Variants in MAGI1 observed in about 807,000 individuals in gnomAD.
MAGI1 encodes membrane associated guanylate kinase, WW and PDZ domain containing 1.
Under a neutral mutation model 139.9 loss-of-function variants are expected in MAGI1, and 58 were observed. The observed-to-expected ratio is 0.41, with a 90% CI of 0.34 to 0.52. MAGI1 has a LOEUF of 0.52. Ranked by LOEUF, MAGI1 falls within the 20% of genes least tolerant of loss-of-function variation. The pLI, the probability that MAGI1 is intolerant of heterozygous loss-of-function variation, is 0.12. For missense variants in MAGI1, 1,874 were observed against 1,901.6 expected (o/e 0.99, Z 0.27); for synonymous variants, 812 against 737.9 (o/e 1.10, Z -1.63).
At chr3:65,992,907 C>A (rs1322328104) in intron 1 of MAGI1, among the ~76,000 whole-genome samples, 1 of 152,098 alleles carries the variant, frequency 6.6e-6, no homozygotes, top group Non-Finnish European at 1.5e-5. Flanking sequence ...CTCACTGCAG[C>A]CTCAATCTCC....
chr3:65,842,927 C>G (rs1433325380), intron 1 of MAGI1, among the ~76,000 whole-genome samples: 1 of 152,086 alleles, frequency 6.6e-6, no homozygotes, highest in Non-Finnish European at 1.5e-5. Context: ...ACACTTTTCC[C>G]TGTCTCCTCA....
At chr3:65,926,450 A>G (rs1183965053) in intron 1 of MAGI1, among the ~76,000 whole-genome samples, 1 of 151,868 alleles carries the variant, frequency 6.6e-6, no homozygotes, top group Non-Finnish European at 1.5e-5. Flanking sequence ...TAGATAAAAT[A>G]AGACTAAGAC....
At chr3:65,719,572 G>A (rs1446578335) in intron 1 of MAGI1, among the ~76,000 whole-genome samples, 5 of 149,324 alleles carry the variant, frequency 3.3e-5, no homozygotes, top group Admixed American at 2.0e-4. Context: ...TTGAAACAGG[G>A]TCTCACTCTG....
At chr3:65,441,844 T>G (rs1575759372) in intron 8 of MAGI1, among the ~76,000 whole-genome samples, 1 of 152,234 alleles carries the variant, frequency 6.6e-6, no homozygotes, top group Non-Finnish European at 1.5e-5. Context: ...TACAGTAAGA[T>G]GCTGGGCATC....
chr3:65,936,396 G>T (rs1168034368), intron 1 of MAGI1, among the ~76,000 whole-genome samples: 1 of 152,082 alleles, frequency 6.6e-6, no homozygotes, highest in African/African-American at 2.4e-5. Context: ...CCAGCACTTT[G>T]GGAGGCTGAG....
intron 17 of MAGI1, among the ~76,000 whole-genome samples, 180 bp from the exon 18 acceptor site, chr3:65,376,125 T>C (rs922906956): frequency 3.3e-5 from 5 of 152,218 alleles, no homozygotes; most frequent in African/African-American, 1.2e-4. Context: ...TCAGGGTGTC[T>C]GTATAAGGAG....
intron 2 of MAGI1, among the ~76,000 whole-genome samples, chr3:65,517,097 C>G (rs1456743350): frequency 6.6e-6 from 1 of 152,132 alleles, no homozygotes; most frequent in Non-Finnish European, 1.5e-5. Flanking sequence ...AAGCTAAGCT[C>G]TAAAATTTTA....
chr3:65,454,071 T>C lies in MAGI1; in HGVS notation c.960-731A>G, dbSNP rs138811264. On this transcript the variant is annotated intron_variant, in intron 5 of 22. Transcript: ENST00000402939. ...AGACACATTCCCAAAGATATCGCCA[T>C]TCAATCATATTAGAAATGTCACCAG... Among the ~76,000 whole-genome samples, 736 of 152,224 alleles carry C rather than the reference T, an allele frequency of 4.8e-3. 4 individuals carry two copies. Among genetic ancestry groups the C allele is most frequent in the African/African-American group, 0.017 (706 of 41,530 alleles).
intron 2 of MAGI1, among the ~76,000 whole-genome samples, chr3:65,508,396 T>G (rs1199090114): frequency 6.6e-6 from 1 of 151,862 alleles, no homozygotes; most frequent in Non-Finnish European, 1.5e-5. Flanking sequence ...AGAGTGAGAC[T>G]CTGTCTCAAA....
At chr3:65,461,691 T>C (rs1409961531) in intron 5 of MAGI1, among the ~76,000 whole-genome samples, 1 of 149,166 alleles carries the variant, frequency 6.7e-6, no homozygotes, top group African/African-American at 2.5e-5. Context: ...GGTTTCACCG[T>C]ATTAGCCAGG....
chr3:65,575,380 A>C (rs1013988470), intron 2 of MAGI1, among the ~76,000 whole-genome samples: 1 of 152,102 alleles, frequency 6.6e-6, no homozygotes, highest in Non-Finnish European at 1.5e-5. Flanking sequence ...GACCAAAGCA[A>C]GTATTGATGA....
intron 1 of MAGI1, among the ~76,000 whole-genome samples, chr3:65,678,839 T>C (rs148761745): frequency 6.2e-4 from 94 of 152,364 alleles, no homozygotes; most frequent in African/African-American, 2.2e-3. Flanking sequence ...CCTGCAAAAT[T>C]CCAGACATAC....
chr3:65,996,291 A>G (rs966584109), intron 1 of MAGI1, among the ~76,000 whole-genome samples: 2 of 152,310 alleles, frequency 1.3e-5, no homozygotes, highest in South Asian at 2.1e-4. Flanking sequence ...ACAGAACACA[A>G]TAAGCTCTCA....
chr3:65,564,865 G>A (rs996242175), intron 2 of MAGI1, among the ~76,000 whole-genome samples: 3 of 152,112 alleles, frequency 2.0e-5, no homozygotes, highest in Non-Finnish European at 4.4e-5. Flanking sequence ...GCTCATCAAT[G>A]GCAGAAACAC....
rs182768218 is a variant in MAGI1 at position 65,461,550 on chromosome 3, G to A, written c.960-8210C>T. ...GTCGCCCAGGCTGGAGAGTGGTGGC[G>A]TGATCTTGGCTCACTGCAAGCTCCG... On this transcript the variant is annotated intron_variant, in intron 5 of 22. Coordinates refer to ENST00000402939, the MANE Select transcript of MAGI1 (RefSeq NM_001033057.2). 3.7e-3 allele frequency among the ~76,000 whole-genome samples: 542 copies of A among 147,236 alleles called. 5 individuals carry two copies. The highest frequency in any genetic ancestry group is 0.017 in the East Asian group (86 of 4,932).
In MAGI1 at chr3:65,356,670, G is replaced by A. The variant is rs747528094; in HGVS notation, c.4097C>T (p.Ser1366Phe). The A allele has an allele frequency of 1.8e-5, 28 of 1,584,472 alleles. No individual in the cohort carries two copies. The highest frequency in any genetic ancestry group is 1.7e-4 in the Middle Eastern group (1 of 5,900). Reference sequence around the variant, plus strand: ...CAGAGACCGTCTCCGCCGGCTGGGGGAGCCGTCTCTCCTGCGGGTGGGTGA... The same window carrying A: ...CAGAGACCGTCTCCGCCGGCTGGGGAAGCCGTCTCTCCTGCGGGTGGGTGA... ...ERSPTRRRDG[S>F]PSRRRRSLER... The change falls in exon 23 of 23, where the codon TCC becomes TTC. Residue 1366 changes from serine to phenylalanine, a missense_variant. Coordinates refer to ENST00000402939, the MANE Select transcript of MAGI1 (RefSeq NM_001033057.2).
chr3:65,515,197 A>G (rs1368742922), intron 2 of MAGI1, among the ~76,000 whole-genome samples: 2 of 146,234 alleles, frequency 1.4e-5, no homozygotes, highest in East Asian at 2.1e-4. Flanking sequence ...ATTGGGAGAT[A>G]TACCTAATGC....
chr3:65,876,980 T>C (rs1303841134), intron 1 of MAGI1, among the ~76,000 whole-genome samples: 1 of 152,120 alleles, frequency 6.6e-6, no homozygotes, highest in Non-Finnish European at 1.5e-5. Flanking sequence ...CCTGACCTCA[T>C]GATCCGCCCG....
intron 1 of MAGI1, among the ~76,000 whole-genome samples, chr3:66,028,114 GAGCAATGT>G (rs2068392331): frequency 6.6e-6 from 1 of 152,190 alleles, no homozygotes; most frequent in Non-Finnish European, 1.5e-5. Context: ...AGACCAGCCT[GAGCAATGT>G]AGTGAAACCC....
Sources: gnomAD v4.1 joint callset for allele counts (sites outside exome capture counted in the v4.1 genomes callset) on GRCh38, gnomAD v4.1.1 for gene constraint, MANE v1.5 for transcripts, NCBI Gene and HGNC (gene_info 2026-07-23, HGNC 2026-07-21) for gene names.